Variants in SNX6 observed in about 807,000 individuals in gnomAD.
SNX6 encodes sorting nexin-6.
In SNX6, 34 loss-of-function variants were observed where a neutral mutation model predicts 63.0. The ratio of observed to expected loss-of-function variants is 0.54; its 90% CI spans 0.41 to 0.72. SNX6 has a LOEUF of 0.72. SNX6 is among the 30% of genes least tolerant of loss of function. The pLI, the probability that SNX6 is intolerant of heterozygous loss-of-function variation, is 0.00. For missense variants in SNX6, 398 were observed against 471.4 expected (o/e 0.84, Z 1.44); for synonymous variants, 170 against 164.2 (o/e 1.04, Z -0.27).
chr14:34,601,828 C>T lies in SNX6; in HGVS notation c.516+1520G>A, dbSNP rs189754328. Among the ~76,000 whole-genome samples the T allele has an allele frequency of 9.4e-4, 142 of 151,308 alleles. No homozygotes were observed. The Middle Eastern group carries it at 0.021, about 22-fold the overall frequency. On this transcript the variant is annotated intron_variant, in intron 6 of 13. Transcript: ENST00000362031. ...CAGGCTCGTCTCGAACTCCTGACCT[C>T]AGGTGATCTGCCCGGCTTGGCCTCC...
At chr14:34,573,270 A>T (rs115164258) in intron 11 of SNX6, among the ~76,000 whole-genome samples, 1 of 152,098 alleles carries the variant, frequency 6.6e-6, no homozygotes, top group Non-Finnish European at 1.5e-5. Flanking sequence ...AAGTCACAGT[A>T]CCCAGCCAAA....
At chr14:34,611,981 G>A (rs974660730) in intron 2 of SNX6, among the ~76,000 whole-genome samples, 4 of 152,032 alleles carry the variant, frequency 2.6e-5, no homozygotes, top group African/African-American at 9.7e-5. Context: ...GAGTTTCACC[G>A]TGTTAGCCAG....
intron 11 of SNX6, among the ~76,000 whole-genome samples, chr14:34,572,180 G>A (rs1486212517): frequency 6.6e-6 from 1 of 152,144 alleles, no homozygotes; most frequent in African/African-American, 2.4e-5. Flanking sequence ...TAATTAAGGT[G>A]TACAGTGATA....
chr14:34,591,543 T>C (rs1289356557), intron 8 of SNX6, among the ~76,000 whole-genome samples: 2 of 151,684 alleles, frequency 1.3e-5, no homozygotes, highest in Non-Finnish European at 2.9e-5. Flanking sequence ...GAGGCTGCAG[T>C]GAGACGAGAT....
intron 3 of SNX6, among the ~76,000 whole-genome samples, chr14:34,608,871 T>C (rs2138355791): frequency 6.6e-6 from 1 of 152,034 alleles, no homozygotes; most frequent in African/African-American, 2.4e-5. Context: ...CTACTAAAAA[T>C]ACAAAAATTA....
chr14:34,590,784 G>A (rs528975956), intron 8 of SNX6, among the ~76,000 whole-genome samples: 2 of 152,262 alleles, frequency 1.3e-5, no homozygotes, highest in African/African-American at 4.8e-5. Flanking sequence ...AAGCATGTCC[G>A]TACAAAAAGT....
intron 2 of SNX6, among the ~76,000 whole-genome samples, chr14:34,628,728 T>C (rs1013777788): frequency 1.3e-5 from 2 of 152,208 alleles, no homozygotes; most frequent in Non-Finnish European, 2.9e-5. Context: ...CACAATATTT[T>C]ATCACCTACC....
chr14:34,568,184 G>A (rs1369988264), intron 11 of SNX6, among the ~76,000 whole-genome samples, 171 bp from the exon 12 acceptor site: 1 of 149,774 alleles, frequency 6.7e-6, no homozygotes, highest in Non-Finnish European at 1.5e-5. Context: ...TGCTCTTGTG[G>A]CCCAGGCTGG....
intron 2 of SNX6, among the ~76,000 whole-genome samples, chr14:34,615,768 G>GT (rs1239415983): frequency 2.0e-5 from 3 of 151,972 alleles, no homozygotes; most frequent in Admixed American, 6.6e-5. Context: ...GCGTGAGCCT[G>GT]TAATAGGACT....
chr14:34,603,529 C>T, intron 5 of SNX6, 58 bp from the exon 6 acceptor site: 7 of 1,436,016 alleles, frequency 4.9e-6, no homozygotes, highest in Non-Finnish European at 6.5e-6. Flanking sequence ...AAGTCACCTG[C>T]AACAATTTTT....
rs142002869 is a variant in SNX6, at chr14:34,603,438, C to T, written c.426G>A (p.Ala142=). 53 of 1,602,670 alleles carry T rather than the reference C, an allele frequency of 3.3e-5. No individual in the cohort carries two copies. Among genetic ancestry groups the T allele is most frequent in the Middle Eastern group, 1.7e-4 (1 of 6,042 alleles). ...EYLAIFKKTV[A]MHEVFLCRVA... ...CACGACACAGGAACACTTCATGCAT[C>T]GCAACTGTCTTCTTGAATATTGCCA... The change falls in exon 6 of 14, where the codon GCG becomes GCA. Residue 142 remains alanine, a synonymous_variant. Coordinates refer to ENST00000362031, the MANE Select transcript of SNX6 (RefSeq NM_152233.4).
intron 13 of SNX6, among the ~76,000 whole-genome samples, chr14:34,563,574 AG>A (rs1483707003): frequency 2.0e-5 from 3 of 147,530 alleles, no homozygotes; most frequent in Non-Finnish European, 2.9e-5. Context: ...AAAAAAAATA[AG>A]AAAAAAAAAA....
At chr14:34,614,881 G>C (rs796673244) in intron 2 of SNX6, among the ~76,000 whole-genome samples, 1 of 152,112 alleles carries the variant, frequency 6.6e-6, no homozygotes, top group Non-Finnish European at 1.5e-5. Flanking sequence ...CTCCAGTCTC[G>C]TAAGACCCTA....
intron 8 of SNX6, 144 bp from the exon 9 acceptor site, chr14:34,586,449 G>T: frequency 1.7e-5 from 6 of 351,804 alleles, no homozygotes; most frequent in East Asian, 5.8e-5. Flanking sequence ...GCTCATGCCT[G>T]TAATCCCAAC....
Position 34,622,773 on chromosome 14 carries a change from G to A in SNX6, c.54+7134C>T, listed in dbSNP as rs1883675491. ...CAATAGCACAGTGGTTAAGAGCCAG[G>A]CCCTAGAGCTAGATTGCCTATTTGA... On this transcript the variant is annotated intron_variant, in intron 2 of 13. Transcript: ENST00000362031. Among the ~76,000 whole-genome samples the A allele has an allele frequency of 2.6e-5, 4 of 152,086 alleles. No homozygotes were observed. In the South Asian group the frequency reaches 8.3e-4, roughly 32 times the overall value.
intron 5 of SNX6, chr14:34,604,149 G>C: frequency 7.8e-7 from 1 of 1,281,026 alleles, no homozygotes; most frequent in Non-Finnish European, 1.0e-6. Context: ...AAACCAGCAG[G>C]ACCAATGATG....
At chr14:34,602,425 T>TA (rs36102476) in intron 6 of SNX6, among the ~76,000 whole-genome samples, 53,514 of 138,458 alleles carry the variant, frequency 0.39, 10,773 homozygotes, top group African/African-American at 0.52. Flanking sequence ...GAAACTGTCT[T>TA]AAAAAAAAAA....
chr14:34,617,874 T>C (rs1038378410), intron 2 of SNX6, among the ~76,000 whole-genome samples: 1 of 151,378 alleles, frequency 6.6e-6, no homozygotes. Flanking sequence ...TGAGCCAAGA[T>C]TGCACCACTG....
At chr14:34,570,696 C>T (rs1201319096) in intron 11 of SNX6, among the ~76,000 whole-genome samples, 2 of 148,870 alleles carry the variant, frequency 1.3e-5, no homozygotes, top group South Asian at 2.1e-4. Flanking sequence ...GCTGGGATTA[C>T]GGGTGTGAGC....
Sources: allele counts gnomAD v4.1 joint callset (sites outside exome capture counted in the v4.1 genomes callset), GRCh38; gene constraint gnomAD v4.1.1; transcripts MANE v1.5; gene names NCBI Gene and HGNC (gene_info 2026-07-23, HGNC 2026-07-21).